Variants in GTF2IRD1 observed in about 807,000 individuals in gnomAD.
The protein encoded by GTF2IRD1 is GTF2I repeat domain containing 1, also known as general transcription factor II-I repeat domain-containing protein 1.
A neutral mutation model predicts 113.2 loss-of-function variants in GTF2IRD1; 26 were observed. That is an observed-to-expected ratio of 0.23 (90% confidence interval 0.17 to 0.32). GTF2IRD1 has a LOEUF of 0.32. Among genes scored for constraint, GTF2IRD1 ranks in the 10% least tolerant of loss-of-function variants. GTF2IRD1 has a pLI of 1.00. For missense variants in GTF2IRD1, 864 were observed against 1,280.8 expected, an observed-to-expected ratio of 0.67 and a Z score of 4.97; for synonymous variants, 484 against 529.1, an observed-to-expected ratio of 0.91 and a Z score of 1.17.
At chr7:74,462,109 C>T (rs1305736526) in intron 1 of GTF2IRD1, among the ~76,000 whole-genome samples, 2 of 152,054 alleles carry the variant, frequency 1.3e-5, no homozygotes, top group Non-Finnish European at 2.9e-5. Flanking sequence ...CGAGGTGGCT[C>T]ATGCCTGTAG....
At chr7:74,473,618 G>A (rs1185427760) in intron 1 of GTF2IRD1, among the ~76,000 whole-genome samples, 6 of 151,974 alleles carry the variant, frequency 3.9e-5, no homozygotes, top group Admixed American at 3.9e-4. Context: ...TGTGAACCCC[G>A]TGATTCATTG....
intron 22 of GTF2IRD1, among the ~76,000 whole-genome samples, chr7:74,581,307 C>T (rs1298713157): frequency 1.3e-5 from 2 of 152,224 alleles, no homozygotes; most frequent in Non-Finnish European, 2.9e-5. Context: ...AAGGCATGAG[C>T]CACCGCATGC....
intron 1 of GTF2IRD1, among the ~76,000 whole-genome samples, chr7:74,460,726 G>C (rs1554328916): frequency 6.6e-6 from 1 of 152,166 alleles, no homozygotes; most frequent in African/African-American, 2.4e-5. Context: ...GGAGGAGGGG[G>C]TGGGAAATTG....
At chr7:74,494,536 G>C (rs1795548518) in intron 1 of GTF2IRD1, among the ~76,000 whole-genome samples, 1 of 152,210 alleles carries the variant, frequency 6.6e-6, no homozygotes, top group South Asian at 2.1e-4. Flanking sequence ...CACACATTCT[G>C]TTGGTTCAAA....
At chr7:74,599,818 T>C (rs2131081742) in intron 25 of GTF2IRD1, among the ~76,000 whole-genome samples, 1 of 152,248 alleles carries the variant, frequency 6.6e-6, no homozygotes, top group East Asian at 1.9e-4. Flanking sequence ...CCACTGCGCC[T>C]GGCCCCAGGT....
chr7:74,524,031 C>T (rs368733364), intron 7 of GTF2IRD1, 40 bp from the exon 8 acceptor site: 103 of 1,439,142 alleles, frequency 7.2e-5, no homozygotes, highest in African/African-American at 2.5e-4. Flanking sequence ...GTGACCGTCC[C>T]GTGGGGCCCT....
chr7:74,596,697 T>TA (rs1383247507), intron 25 of GTF2IRD1, among the ~76,000 whole-genome samples: 2 of 152,068 alleles, frequency 1.3e-5, no homozygotes, highest in African/African-American at 2.4e-5. Flanking sequence ...CTCACGCCTC[T>TA]AATCCCAGCA....
At position 74,529,625 on chromosome 7, in the gene GTF2IRD1, G is replaced by T. The variant is rs587707790; in HGVS notation, c.1091-109G>T. 173 of 823,482 alleles carry T rather than the reference G, an allele frequency of 2.1e-4. 1 individual carries two copies. The highest frequency in any genetic ancestry group is 1.4e-3 in the Middle Eastern group (4 of 2,824). 51.0% of individuals were successfully genotyped at this position (823,482 alleles called of 1,614,324 possible). A position where few individuals can be genotyped will look rare whatever the true frequency, so the allele number is the denominator to read the frequency against. ...GCAGGATCCCTCTGGCCGCTACATG[G>T]CCAGAGTGGAGTGGGGACGGTGGGA... On this transcript the variant is annotated intron_variant, in intron 8 of 26. Transcript: ENST00000424337.
chr7:74,548,397 G>A (rs1200666014), intron 17 of GTF2IRD1, among the ~76,000 whole-genome samples: 1 of 151,876 alleles, frequency 6.6e-6, no homozygotes, highest in Non-Finnish European at 1.5e-5. Flanking sequence ...ACTCCAGTCT[G>A]GGCAACAGAG....
At chr7:74,503,908 C>A (rs1255303134) in intron 1 of GTF2IRD1, among the ~76,000 whole-genome samples, 1 of 152,104 alleles carries the variant, frequency 6.6e-6, no homozygotes, top group Non-Finnish European at 1.5e-5. Context: ...CCTCCTTTTC[C>A]CCTCTCTCCC....
intron 22 of GTF2IRD1, among the ~76,000 whole-genome samples, chr7:74,580,848 A>G (rs1801373394): frequency 6.6e-6 from 1 of 151,952 alleles, no homozygotes; most frequent in South Asian, 2.1e-4. Flanking sequence ...TGAAGGTGAA[A>G]CCCTACACAC....
At chr7:74,554,085 A>G (rs587603232) in intron 17 of GTF2IRD1, among the ~76,000 whole-genome samples, 43 of 152,286 alleles carry the variant, frequency 2.8e-4, no homozygotes, top group African/African-American at 9.9e-4. Flanking sequence ...GCTCACTCCC[A>G]GGCAGAGACT....
chr7:74,556,009 G>A (rs1799569478), intron 19 of GTF2IRD1, among the ~76,000 whole-genome samples: 1 of 152,098 alleles, frequency 6.6e-6, no homozygotes. Flanking sequence ...CAGCACTTTG[G>A]GCGGCCGAGG....
rs1393673546 is a variant in GTF2IRD1, at chr7:74,559,523, G to A, written c.2292-104G>A. The A allele has an allele frequency of 5.3e-6, 5 of 936,126 alleles. No homozygotes were observed. The East Asian group carries it at 1.1e-4, about 20-fold the overall frequency. The allele number at this position is 936,126 out of a possible 1,614,324, so 58.0% of individuals were successfully genotyped here. On this transcript the variant is annotated intron_variant, in intron 21 of 26. Transcript: ENST00000424337. ...TAAAATGCAGATTCTGCTGCTGTAGGTCTGGGGTGCTCCCAGGGGAGACCG... is the reference window on the plus strand; with the variant it reads ...TAAAATGCAGATTCTGCTGCTGTAGATCTGGGGTGCTCCCAGGGGAGACCG...
intron 22 of GTF2IRD1, among the ~76,000 whole-genome samples, chr7:74,584,801 G>A (rs1229985320): frequency 6.6e-6 from 1 of 152,024 alleles, no homozygotes; most frequent in African/African-American, 2.4e-5. Context: ...TGGGTTTTTT[G>A]TGTGTTGTTG....
intron 1 of GTF2IRD1, among the ~76,000 whole-genome samples, chr7:74,474,949 C>CA (rs1458705473): frequency 2.6e-5 from 4 of 151,624 alleles, no homozygotes; most frequent in African/African-American, 9.7e-5. Context: ...TCCATCTCTA[C>CA]AAAAAAAATA....
At chr7:74,535,968 G>A (rs2074668) in intron 10 of GTF2IRD1, among the ~76,000 whole-genome samples, 199 bp from the exon 11 acceptor site, 5,367 of 152,248 alleles carry the variant, frequency 0.035, 384 homozygotes, top group East Asian at 0.31. Context: ...TAGGGCTGCT[G>A]TTCCTCCTTC....
At chr7:74,494,941 TG>T (rs567187886) in intron 1 of GTF2IRD1, among the ~76,000 whole-genome samples, 1 of 152,058 alleles carries the variant, frequency 6.6e-6, no homozygotes, top group Non-Finnish European at 1.5e-5. Context: ...TTTGTAGAGA[TG>T]GGGGGTCTCA....
intron 17 of GTF2IRD1, 151 bp downstream of exon 17, chr7:74,547,437 G>C: frequency 4.8e-6 from 2 of 418,648 alleles, no homozygotes; most frequent in East Asian, 4.9e-5. Flanking sequence ...ACCATGCCCA[G>C]CCTTTTTTTT....
Sources: allele counts gnomAD v4.1 joint callset (sites outside exome capture counted in the v4.1 genomes callset), GRCh38; gene constraint gnomAD v4.1.1; transcripts MANE v1.5; gene names NCBI Gene and HGNC (gene_info 2026-07-23, HGNC 2026-07-21).